DLGAP1: variants seen among roughly 807,000 people sequenced by gnomAD.
DLGAP1 encodes disks large-associated protein 1.
DLGAP1 carries 11 observed loss-of-function variants against 90.8 expected under a neutral mutation model. That is an observed-to-expected ratio of 0.12 (90% CI 0.08 to 0.20). The LOEUF (loss-of-function observed/expected upper bound fraction) is 0.20. Ranked by LOEUF, DLGAP1 falls within the 10% of genes least tolerant of loss-of-function variation. The pLI is 1.00. For missense variants in DLGAP1, 1,050 were observed against 1,333.8 expected, an observed-to-expected ratio of 0.79 and a Z score of 3.31; for synonymous variants, 558 against 540.7, an observed-to-expected ratio of 1.03 and a Z score of -0.44.
At chr18:4,185,963 A>G (rs942100387) in intron 1 of DLGAP1, among the ~76,000 whole-genome samples, 4 of 152,072 alleles carry the variant, frequency 2.6e-5, no homozygotes, top group African/African-American at 7.2e-5. Context: ...TGACTTTTTA[A>G]TAATAGCCAT....
At chr18:3,609,944 G>C (rs1599525222) in intron 7 of DLGAP1, among the ~76,000 whole-genome samples, 2 of 151,600 alleles carry the variant, frequency 1.3e-5, no homozygotes, top group African/African-American at 4.8e-5. Context: ...TGTAATCCCA[G>C]CTACTCGGGA....
chr18:3,761,578 C>CTTTCT (rs781255215), intron 5 of DLGAP1, among the ~76,000 whole-genome samples: 1 of 135,354 alleles, frequency 7.4e-6, no homozygotes, highest in African/African-American at 2.8e-5. Context: ...TTCTTTCTTT[C>CTTTCT]TTTTTTTTTT....
intron 7 of DLGAP1, among the ~76,000 whole-genome samples, chr18:3,676,396 A>G (rs927952222): frequency 1.4e-4 from 22 of 152,148 alleles, no homozygotes; most frequent in African/African-American, 5.3e-4. Flanking sequence ...TTCTCTCACT[A>G]GAGAGAGCTG....
intron 3 of DLGAP1, among the ~76,000 whole-genome samples, chr18:3,939,477 A>AC (rs1306291426): frequency 6.6e-6 from 1 of 150,904 alleles, no homozygotes; most frequent in South Asian, 2.1e-4. Flanking sequence ...CAAACAAAAA[A>AC]CCCCCCAAAA....
intron 9 of DLGAP1, among the ~76,000 whole-genome samples, chr18:3,551,158 C>CATGTATATATATATATATATATATATAT (rs2053385537): frequency 1.3e-4 from 1 of 7,826 alleles, no homozygotes; most frequent in African/African-American, 1.4e-4. Flanking sequence ...ATATTATATA[C>CATGTATATATATATATATATATATATAT]ATATATATAT....
At chr18:4,422,960 G>T (rs1254794673) in intron 1 of DLGAP1, among the ~76,000 whole-genome samples, 1 of 152,020 alleles carries the variant, frequency 6.6e-6, no homozygotes, top group Non-Finnish European at 1.5e-5. Flanking sequence ...TCTGGAAGAG[G>T]CACTAACCTT....
chr18:4,315,994 T>C (rs1251491370), intron 1 of DLGAP1, among the ~76,000 whole-genome samples: 1 of 152,380 alleles, frequency 6.6e-6, no homozygotes, highest in East Asian at 1.9e-4. Context: ...AGGTTCTTGC[T>C]ATAAACACAA....
chr18:4,079,090 C>T (rs1275555716), intron 2 of DLGAP1, among the ~76,000 whole-genome samples: 1 of 152,118 alleles, frequency 6.6e-6, no homozygotes, highest in African/African-American at 2.4e-5. Context: ...GTGATCAGAG[C>T]ACGGACTTCC....
chr18:3,781,438 G>A (rs1208465028), intron 5 of DLGAP1, among the ~76,000 whole-genome samples: 1 of 150,748 alleles, frequency 6.6e-6, no homozygotes, highest in Non-Finnish European at 1.5e-5. Flanking sequence ...TGCAACCTCC[G>A]CCTTCCTGGG....
chr18:4,055,165 G>T (rs1393460892), intron 2 of DLGAP1, among the ~76,000 whole-genome samples: 1 of 152,156 alleles, frequency 6.6e-6, no homozygotes, highest in Non-Finnish European at 1.5e-5. Flanking sequence ...GGTCACTGTG[G>T]TCACTGAGGG....
At chr18:3,926,319 G>A (rs1021625691) in intron 3 of DLGAP1, among the ~76,000 whole-genome samples, 1 of 151,970 alleles carries the variant, frequency 6.6e-6, no homozygotes, top group Non-Finnish European at 1.5e-5. Flanking sequence ...AGCTGTGACA[G>A]CCAAAAACAT....
At chr18:3,765,129 T>TC (rs1568094251) in intron 5 of DLGAP1, among the ~76,000 whole-genome samples, 1 of 129,138 alleles carries the variant, frequency 7.7e-6, no homozygotes, top group Non-Finnish European at 1.5e-5. Context: ...TTTTTTTTTT[T>TC]CTTTTTTTTT....
intron 1 of DLGAP1, among the ~76,000 whole-genome samples, chr18:4,168,098 T>C (rs1214042563): frequency 6.6e-6 from 1 of 152,156 alleles, no homozygotes; most frequent in Admixed American, 6.6e-5. Flanking sequence ...TAAAAAAATG[T>C]ATATGGAAAT....
chr18:4,187,391 T>C (rs1015440703), intron 1 of DLGAP1, among the ~76,000 whole-genome samples: 1 of 152,278 alleles, frequency 6.6e-6, no homozygotes, highest in South Asian at 2.1e-4. Context: ...TCCAAGATAT[T>C]GATCCCCCAA....
chr18:3,579,143 T>C (rs1451167223), intron 8 of DLGAP1, among the ~76,000 whole-genome samples: 4 of 152,142 alleles, frequency 2.6e-5, no homozygotes, highest in African/African-American at 9.7e-5. Flanking sequence ...ACACACACAG[T>C]ATAGTGATGG....
At chr18:4,304,265 G>C (rs1412545745) in intron 1 of DLGAP1, among the ~76,000 whole-genome samples, 5 of 151,284 alleles carry the variant, frequency 3.3e-5, no homozygotes, top group African/African-American at 4.9e-5. Flanking sequence ...CTATAGAATT[G>C]TACACTTTAA....
At chr18:4,094,586 TTCC>T (rs1298886878) in intron 2 of DLGAP1, among the ~76,000 whole-genome samples, 1 of 150,580 alleles carries the variant, frequency 6.6e-6, no homozygotes, top group Non-Finnish European at 1.5e-5. Context: ...TTTATCTTCC[TTCC>T]TTCCTTCCTT....
At chr18:3,769,126 C>T (rs2064394104) in intron 5 of DLGAP1, among the ~76,000 whole-genome samples, 1 of 152,108 alleles carries the variant, frequency 6.6e-6, no homozygotes, top group African/African-American at 2.4e-5. Context: ...AAACACTTCA[C>T]AGATAAACCC....
chr18:3,612,068 G>A (rs1215433504), intron 7 of DLGAP1, among the ~76,000 whole-genome samples: 1 of 152,218 alleles, frequency 6.6e-6, no homozygotes, highest in Admixed American at 6.5e-5. Context: ...AGGCAATATT[G>A]TATGATGTTT....
Sources: allele counts gnomAD v4.1 joint callset (sites outside exome capture counted in the v4.1 genomes callset), GRCh38; gene constraint gnomAD v4.1.1; transcripts MANE v1.5; gene names NCBI Gene and HGNC (gene_info 2026-07-23, HGNC 2026-07-21).